Variants in EFEMP1 observed in about 807,000 individuals in gnomAD.
EFEMP1 encodes EGF-like fibulin extracellular matrix protein 1, also known as EGF-containing fibulin-like extracellular matrix protein 1.
In EFEMP1, 18 loss-of-function variants were observed where a neutral mutation model predicts 65.7. The observed-to-expected ratio is 0.27, with a 90% CI of 0.19 to 0.41. The LOEUF (loss-of-function observed/expected upper bound fraction) is 0.41, where lower values mean the gene tolerates loss of function less well. Among genes scored for constraint, EFEMP1 ranks in the 10% least tolerant of loss-of-function variants. The pLI, the probability that EFEMP1 is intolerant of heterozygous loss-of-function variation, is 1.00. For synonymous variants in EFEMP1, 237 were observed against 219.7 expected (o/e 1.08, Z -0.70); for missense variants, 469 against 624.8 (o/e 0.75, Z 2.66).
chr2:55,913,735 T>C (rs1183366372), intron 5 of EFEMP1, among the ~76,000 whole-genome samples: 1 of 151,986 alleles, frequency 6.6e-6, no homozygotes, highest in African/African-American at 2.4e-5. Context: ...TATTGCCAGG[T>C]ACAGTGGCTC....
At position 55,886,786 on chromosome 2, in the gene EFEMP1, G is replaced by T. The variant is rs1252188373; in HGVS notation, c.518-5052C>A. On this transcript the variant is annotated intron_variant, in intron 5 of 11. Transcript: ENST00000355426. The surrounding 1 kb of genome is among the most constrained non-coding windows in gnomAD (Gnocchi z 4.0). ...AGTGAAGGTCTTAGAGGTATTTGGA[G>T]TATTTTGTTTTTCAATATAATCCTG... 6.6e-6 allele frequency among the ~76,000 whole-genome samples: 1 copy of T among 152,142 alleles called. No individual in the cohort carries two copies. The highest frequency in any genetic ancestry group is 1.5e-5 in the Non-Finnish European group (1 of 68,002).
chr2:55,918,146 A>G, intron 4 of EFEMP1, 73 bp downstream of exon 4: 2 of 1,612,758 alleles, frequency 1.2e-6, no homozygotes, highest in Admixed American at 3.3e-5. Context: ...TAACACAGAC[A>G]GGACAGGAAG....
rs536037694 is a variant in EFEMP1, at chr2:55,917,424, G to T, written c.517+241C>A. Among the ~76,000 whole-genome samples, 13 of 152,260 alleles carry T rather than the reference G, an allele frequency of 8.5e-5. No individual in the cohort carries two copies. The highest frequency in any genetic ancestry group is 7.9e-4 in the Admixed American group (12 of 15,286). On this transcript the variant is annotated intron_variant, in intron 5 of 11. Transcript: ENST00000355426. The surrounding 1 kb of genome is among the most constrained non-coding windows in gnomAD (Gnocchi z 6.3). ...AAGGTTCCCAAGTGACTCTAAATAT[G>T]GGCAGCTAGGGTTGGGAACCACTGA...
At chr2:55,875,284 C>T (rs1379713885) in intron 8 of EFEMP1, among the ~76,000 whole-genome samples, 1 of 148,536 alleles carries the variant, frequency 6.7e-6, no homozygotes, top group Non-Finnish European at 1.5e-5. Flanking sequence ...TGTCCTATTC[C>T]TGCTACTGTG....
intron 5 of EFEMP1, among the ~76,000 whole-genome samples, chr2:55,908,064 T>C (rs1362761190): frequency 6.6e-6 from 1 of 152,218 alleles, no homozygotes; most frequent in South Asian, 2.1e-4. Context: ...CTGAGAGCTA[T>C]GACTTTTTCT....
Position 55,919,782 on chromosome 2 carries a change from G to A in EFEMP1, c.82-1515C>T, listed in dbSNP as rs1220360150. Among the ~76,000 whole-genome samples the A allele has an allele frequency of 1.3e-5, 2 of 152,056 alleles. No individual in the cohort carries two copies. Among genetic ancestry groups the A allele is most frequent in the African/African-American group, 4.8e-5 (2 of 41,384 alleles). On this transcript the variant is annotated intron_variant, in intron 3 of 11. Coordinates refer to ENST00000355426, the MANE Select transcript of EFEMP1 (RefSeq NM_001039348.3). The surrounding 1 kb of genome is among the most constrained non-coding windows in gnomAD (Gnocchi z 4.5). ...TGTCTCTCAGACTAATTTTTTTCTT[G>A]TTTCCCAAACAGTGTTAAAGGTACC...
rs374373113 is a variant in EFEMP1 at position 55,877,249 on chromosome 2, G to A, written c.760+497C>T. Among the ~76,000 whole-genome samples, 5 of 152,176 alleles carry A rather than the reference G, an allele frequency of 3.3e-5. No individual in the cohort carries two copies. Among genetic ancestry groups the A allele is most frequent in the South Asian group, 2.1e-4 (1 of 4,826 alleles). ...TAACATAAGCCTTTGAGACCCATAC[G>A]GAGTTTTGCAATGCTCTAAAGCACT... On this transcript the variant is annotated intron_variant, in intron 7 of 11. Transcript: ENST00000355426. This position sits in a 1 kb window ranked among gnomAD's most constrained non-coding sequence, Gnocchi z 4.5.
intron 9 of EFEMP1, among the ~76,000 whole-genome samples, chr2:55,872,829 T>C (rs1165131112): frequency 1.3e-5 from 2 of 152,040 alleles, no homozygotes; most frequent in African/African-American, 2.4e-5. Flanking sequence ...TTCCACTTTT[T>C]TGAAGAATAA....
At chr2:55,895,762 C>T (rs1669807011) in intron 5 of EFEMP1, among the ~76,000 whole-genome samples, 1 of 151,532 alleles carries the variant, frequency 6.6e-6, no homozygotes, top group Non-Finnish European at 1.5e-5. Flanking sequence ...AGGATTGTCT[C>T]TATCTCCTGA....
At chr2:55,869,041 C>A (rs536569083) in intron 11 of EFEMP1, among the ~76,000 whole-genome samples, 4 of 151,952 alleles carry the variant, frequency 2.6e-5, no homozygotes, top group Non-Finnish European at 5.9e-5. Context: ...CTGGAAATAT[C>A]AAAATTGGCA....
chr2:55,910,308 G>T (rs957172026), intron 5 of EFEMP1, among the ~76,000 whole-genome samples: 5 of 152,112 alleles, frequency 3.3e-5, no homozygotes, highest in East Asian at 1.9e-4. Flanking sequence ...TATTTGAAAT[G>T]CAGTTTTCTT....
chr2:55,870,997 T>C lies in EFEMP1; in HGVS notation c.1124+3A>G. The C allele has an allele frequency of 6.2e-7, 1 of 1,613,768 alleles. No homozygotes were observed. Among genetic ancestry groups the C allele is most frequent in the Non-Finnish European group, 8.5e-7 (1 of 1,179,788 alleles). ...CACTTTCAAAAGTTCTGATTTTTCT[T>C]ACTTCTCTGGTGTTAGAATGTAGGG... On this transcript the variant is annotated splice_donor_region_variant and intron_variant, in intron 10 of 11. Transcript: ENST00000355426. The surrounding 1 kb of genome is among the most constrained non-coding windows in gnomAD (Gnocchi z 5.8).
chr2:55,872,928 T>C (rs1358752999), intron 9 of EFEMP1, among the ~76,000 whole-genome samples: 1 of 152,094 alleles, frequency 6.6e-6, no homozygotes, highest in Admixed American at 6.6e-5. Flanking sequence ...TTTCATTTAT[T>C]ACTTCCATTA....
At chr2:55,918,356 T>G (rs573962290) in intron 3 of EFEMP1, 89 bp from the exon 4 acceptor site, 2 of 1,441,362 alleles carry the variant, frequency 1.4e-6, no homozygotes, top group Non-Finnish European at 2.0e-6. Context: ...TTCATTCTTA[T>G]GGCAACAATC....
Position 55,917,333 on chromosome 2 carries a change from T to C in EFEMP1, c.517+332A>G, listed in dbSNP as rs1325398847. On this transcript the variant is annotated intron_variant, in intron 5 of 11. Coordinates refer to ENST00000355426, the MANE Select transcript of EFEMP1 (RefSeq NM_001039348.3). The surrounding 1 kb of genome is among the most constrained non-coding windows in gnomAD (Gnocchi z 6.3). The stretch of plus-strand genomic sequence containing the variant: ...AGGAACTGAAAAAAAAGCCGATGCC[T>C]GGAACCCACCTCAGAGACTGTGATT... Among the ~76,000 whole-genome samples, 1 of 152,162 alleles carries C rather than the reference T, an allele frequency of 6.6e-6. No homozygotes were observed. Among genetic ancestry groups the C allele is most frequent in the African/African-American group, 2.4e-5 (1 of 41,444 alleles).
intron 5 of EFEMP1, among the ~76,000 whole-genome samples, chr2:55,892,205 A>G (rs932113565): frequency 6.6e-6 from 1 of 152,162 alleles, no homozygotes; most frequent in African/African-American, 2.4e-5. Flanking sequence ...GGGGCATTTT[A>G]CTTTACATTT....
At chr2:55,887,638 A>G (rs542204595) in intron 5 of EFEMP1, among the ~76,000 whole-genome samples, 1 of 152,346 alleles carries the variant, frequency 6.6e-6, no homozygotes, top group Admixed American at 6.5e-5. Context: ...ATTAAGTAAC[A>G]AGAGAGAACT....
At chr2:55,874,500 T>C (rs182935348) in intron 9 of EFEMP1, among the ~76,000 whole-genome samples, 1 of 152,212 alleles carries the variant, frequency 6.6e-6, no homozygotes, top group Admixed American at 6.6e-5. Flanking sequence ...TTACAACATA[T>C]TAGGCTGACT....
intron 5 of EFEMP1, among the ~76,000 whole-genome samples, chr2:55,890,760 T>A (rs1186602493): frequency 6.6e-6 from 1 of 152,016 alleles, no homozygotes; most frequent in East Asian, 1.9e-4. Flanking sequence ...AATGAAAATA[T>A]TACAGATCAA....
Sources: allele counts gnomAD v4.1 joint callset (sites outside exome capture counted in the v4.1 genomes callset), GRCh38; gene constraint gnomAD v4.1.1; non-coding constraint Gnocchi (gnomAD v3.1); transcripts MANE v1.5; gene names NCBI Gene and HGNC (gene_info 2026-07-23, HGNC 2026-07-21).